Variants in PLCE1 observed in about 807,000 individuals in gnomAD.
PLCE1 encodes the protein 1-phosphatidylinositol 4,5-bisphosphate phosphodiesterase epsilon-1.
In PLCE1, 119 loss-of-function variants were observed where a neutral mutation model predicts 242.8. The observed-to-expected ratio is 0.49, with a 90% CI of 0.42 to 0.57. The LOEUF (loss-of-function observed/expected upper bound fraction) is 0.57, where lower values mean the gene tolerates loss of function less well. PLCE1 is among the 20% of genes least tolerant of loss of function. The pLI, the probability that PLCE1 is intolerant of heterozygous loss-of-function variation, is 0.00. For missense variants in PLCE1, 2,441 were observed against 2,788.8 expected, an observed-to-expected ratio of 0.88 and a Z score of 2.81; for synonymous variants, 945 against 1,017.4, an observed-to-expected ratio of 0.93 and a Z score of 1.35.
intron 28 of PLCE1, among the ~76,000 whole-genome samples, chr10:94,314,037 C>T (rs957229576): frequency 6.6e-6 from 1 of 152,108 alleles, no homozygotes; most frequent in Non-Finnish European, 1.5e-5. Flanking sequence ...CCTAAGTCTC[C>T]TTATGCTGTG....
intron 22 of PLCE1, among the ~76,000 whole-genome samples, chr10:94,289,241 C>T (rs530340622): frequency 6.6e-6 from 1 of 152,204 alleles, no homozygotes; most frequent in South Asian, 2.1e-4. Context: ...AGATGAGGCC[C>T]TGCAGAGCAT....
At chr10:94,054,111 G>A (rs113321563) in intron 2 of PLCE1, among the ~76,000 whole-genome samples, 2 of 152,184 alleles carry the variant, frequency 1.3e-5, no homozygotes, top group African/African-American at 4.8e-5. Context: ...TTCTGTCACG[G>A]CAATTAAAGA....
At chr10:94,152,976 TAACA>T (rs1353223375) in intron 3 of PLCE1, among the ~76,000 whole-genome samples, 1 of 152,154 alleles carries the variant, frequency 6.6e-6, no homozygotes, top group African/African-American at 2.4e-5. Flanking sequence ...AATGTGATAA[TAACA>T]AACAACAATA....
chr10:94,128,171 A>G (rs534861334), intron 2 of PLCE1, among the ~76,000 whole-genome samples: 3 of 152,078 alleles, frequency 2.0e-5, no homozygotes, highest in South Asian at 4.2e-4. Context: ...TATTTTTAGT[A>G]GAGACGGGGT....
chr10:94,026,515 G>A (rs1046373558), intron 1 of PLCE1, among the ~76,000 whole-genome samples: 2 of 151,864 alleles, frequency 1.3e-5, no homozygotes, highest in Admixed American at 1.3e-4. Context: ...AGTGCTTTAG[G>A]TTATCTTTAG....
At chr10:94,100,521 C>T (rs951249629) in intron 2 of PLCE1, 4 of 152,142 alleles carry the variant, frequency 2.6e-5, no homozygotes, top group African/African-American at 9.7e-5. Flanking sequence ...AGTTTATTCC[C>T]AATTTCTTGA....
intron 2 of PLCE1, among the ~76,000 whole-genome samples, chr10:94,062,475 G>A (rs1408902389): frequency 6.6e-6 from 1 of 151,672 alleles, no homozygotes; most frequent in African/African-American, 2.4e-5. Flanking sequence ...TATTTTATTG[G>A]ACTTATGTGA....
chr10:94,171,089 A>G (rs1590176252), intron 3 of PLCE1, 91 bp from the exon 4 acceptor site: 3 of 1,080,356 alleles, frequency 2.8e-6, no homozygotes, highest in South Asian at 2.5e-5. Flanking sequence ...TGGTTAAAGA[A>G]CATACAAGAT....
intron 2 of PLCE1, among the ~76,000 whole-genome samples, chr10:94,103,115 C>A (rs953255044): frequency 2.6e-5 from 4 of 152,178 alleles, no homozygotes; most frequent in Non-Finnish European, 5.9e-5. Context: ...ACAAGAACAG[C>A]TGTTACTATG....
intron 2 of PLCE1, among the ~76,000 whole-genome samples, chr10:94,085,959 G>A (rs2044808413): frequency 6.6e-6 from 1 of 152,168 alleles, no homozygotes; most frequent in African/African-American, 2.4e-5. Flanking sequence ...TCGAGAATTT[G>A]CATGTTCAAA....
intron 5 of PLCE1, among the ~76,000 whole-genome samples, chr10:94,230,009 C>A (rs1199811816): frequency 2.0e-5 from 3 of 152,034 alleles, no homozygotes; most frequent in Admixed American, 6.6e-5. Context: ...TGTTTAGGTT[C>A]CAAGCAATTA....
At chr10:94,013,914 C>G (rs999440445) in intron 1 of PLCE1, among the ~76,000 whole-genome samples, 1 of 152,142 alleles carries the variant, frequency 6.6e-6, no homozygotes, top group African/African-American at 2.4e-5. Context: ...CCCTACCATC[C>G]TTTGGGCTCC....
At chr10:94,228,697 T>G (rs1465099029) in intron 5 of PLCE1, among the ~76,000 whole-genome samples, 2 of 152,184 alleles carry the variant, frequency 1.3e-5, no homozygotes, top group Non-Finnish European at 2.9e-5. Flanking sequence ...AATTTTTTTT[T>G]TGTCGTTTTC....
intron 4 of PLCE1, among the ~76,000 whole-genome samples, chr10:94,195,770 G>C (rs2048801593): frequency 6.6e-6 from 1 of 152,014 alleles, no homozygotes; most frequent in Admixed American, 6.6e-5. Flanking sequence ...CCTGACTTTT[G>C]GGAATTTCTT....
At chr10:94,087,725 G>A (rs1457315947) in intron 2 of PLCE1, among the ~76,000 whole-genome samples, 1 of 152,116 alleles carries the variant, frequency 6.6e-6, no homozygotes. Context: ...TTACAGGCAT[G>A]AGCCACCATG....
chr10:94,126,643 G>T (rs1248962560), intron 2 of PLCE1, among the ~76,000 whole-genome samples: 1 of 152,156 alleles, frequency 6.6e-6, no homozygotes, highest in East Asian at 1.9e-4. Flanking sequence ...AAAGATATTG[G>T]CCTATGTAGG....
chr10:94,063,288 A>G (rs1368812884), intron 2 of PLCE1, among the ~76,000 whole-genome samples: 3 of 152,244 alleles, frequency 2.0e-5, no homozygotes, highest in Non-Finnish European at 4.4e-5. Flanking sequence ...AAAGGGGGGA[A>G]TTTTACTTTC....
intron 3 of PLCE1, among the ~76,000 whole-genome samples, chr10:94,150,905 G>A (rs924205683): frequency 6.6e-6 from 1 of 152,138 alleles, no homozygotes; most frequent in Admixed American, 6.5e-5. Flanking sequence ...AGTGAGAGCT[G>A]GCAGCAGTCT....
intron 3 of PLCE1, among the ~76,000 whole-genome samples, chr10:94,167,225 C>T (rs760065990): frequency 1.2e-4 from 18 of 152,066 alleles, no homozygotes; most frequent in African/African-American, 3.1e-4. Context: ...CGGGAGGCGG[C>T]GGTTCGTGCC....
Sources: allele counts gnomAD v4.1 joint callset (sites outside exome capture counted in the v4.1 genomes callset), GRCh38; gene constraint gnomAD v4.1.1; transcripts MANE v1.5; gene names NCBI Gene and HGNC (gene_info 2026-07-23, HGNC 2026-07-21).